KCNMA1: variants seen among roughly 807,000 people sequenced by gnomAD.
KCNMA1 encodes the protein potassium calcium-activated channel subfamily M alpha 1.
KCNMA1 carries 29 observed loss-of-function variants against 140.0 expected under a neutral mutation model. The ratio of observed to expected loss-of-function variants is 0.21; its 90% confidence interval spans 0.15 to 0.28. The LOEUF (loss-of-function observed/expected upper bound fraction) is 0.28, where lower values mean the gene tolerates loss of function less well. Ranked by LOEUF, KCNMA1 falls within the 10% of genes least tolerant of loss-of-function variation. KCNMA1 has a pLI of 1.00. For synonymous variants in KCNMA1, 612 were observed against 611.9 expected (o/e 1.00, Z 0.00); for missense variants, 880 against 1,602.2 (o/e 0.55, Z 7.70).
At chr10:77,434,565 C>CA (rs1231545670) in intron 1 of KCNMA1, among the ~76,000 whole-genome samples, 2 of 152,176 alleles carry the variant, frequency 1.3e-5, no homozygotes, top group Non-Finnish European at 2.9e-5. Context: ...TGAAGATATT[C>CA]AATGCTGCAC....
At chr10:77,257,254 CAA>C (rs1381912817) in intron 2 of KCNMA1, among the ~76,000 whole-genome samples, 5 of 152,184 alleles carry the variant, frequency 3.3e-5, no homozygotes, top group Non-Finnish European at 7.3e-5. Context: ...ACAATGCCAA[CAA>C]ACATTTATTG....
At chr10:77,617,709 G>GA (rs2090063426) in intron 1 of KCNMA1, among the ~76,000 whole-genome samples, 1 of 152,132 alleles carries the variant, frequency 6.6e-6, no homozygotes, top group Non-Finnish European at 1.5e-5. Flanking sequence ...TGTAAAATGG[G>GA]AAAAATACAG....
chr10:77,289,611 C>G (rs112866645), intron 2 of KCNMA1, among the ~76,000 whole-genome samples: 1 of 152,194 alleles, frequency 6.6e-6, no homozygotes, highest in African/African-American at 2.4e-5. Context: ...TGTATATTTG[C>G]TTAAATGAAA....
At chr10:77,458,124 T>C (rs1350417717) in intron 1 of KCNMA1, among the ~76,000 whole-genome samples, 1 of 152,202 alleles carries the variant, frequency 6.6e-6, no homozygotes, top group Non-Finnish European at 1.5e-5. Context: ...GCCAGTCTTG[T>C]AGCATCAAAG....
chr10:76,980,246 G>A (rs1321273340), intron 19 of KCNMA1: 3 of 152,158 alleles, frequency 2.0e-5, no homozygotes, highest in Middle Eastern at 3.2e-3. Context: ...TTCTAATTCA[G>A]ATCATTTGCT....
At chr10:77,598,721 C>T (rs114430492) in intron 1 of KCNMA1, among the ~76,000 whole-genome samples, 33 of 152,302 alleles carry the variant, frequency 2.2e-4, no homozygotes, top group Non-Finnish European at 2.9e-4. Context: ...GCCAAACAAC[C>T]GCCTGGCTCT....
In KCNMA1 at chr10:77,510,133, G is replaced by A. The variant is rs183697735; in HGVS notation, c.379-106110C>T. Among the ~76,000 whole-genome samples the A allele has an allele frequency of 1.1e-3, 171 of 152,204 alleles. 1 individual carries two copies. The highest frequency in any genetic ancestry group is 3.7e-3 in the African/African-American group (152 of 41,526). ...AGATTTGGGGATTCACACAGTCCTG[G>A]GGTACAATCGCAGCTCCACAGTTGC... On this transcript the variant is annotated intron_variant, in intron 1 of 27. Transcript: ENST00000286628.
At chr10:77,499,403 G>GTATATATATATATATATATA (rs71028280) in intron 1 of KCNMA1, among the ~76,000 whole-genome samples, 161 of 142,460 alleles carry the variant, frequency 1.1e-3, no homozygotes, top group African/African-American at 3.7e-3. Flanking sequence ...CAGTAGGCAT[G>GTATATATATATATATATATA]TATATATATA....
At chr10:77,405,305 C>T (rs768126711) in intron 1 of KCNMA1, among the ~76,000 whole-genome samples, 2 of 152,138 alleles carry the variant, frequency 1.3e-5, no homozygotes, top group Non-Finnish European at 2.9e-5. Flanking sequence ...CACTTAAAAC[C>T]GCTAATATAC....
At chr10:77,199,544 A>C (rs1248928134) in intron 3 of KCNMA1, among the ~76,000 whole-genome samples, 1 of 152,204 alleles carries the variant, frequency 6.6e-6, no homozygotes, top group African/African-American at 2.4e-5. Context: ...GTAAACGTGA[A>C]CTGCTTTGTT....
chr10:77,303,793 G>A (rs1012247934), intron 2 of KCNMA1, among the ~76,000 whole-genome samples: 1 of 152,160 alleles, frequency 6.6e-6, no homozygotes, highest in Non-Finnish European at 1.5e-5. Context: ...ATGGATTCTT[G>A]CTTCAGGGTC....
At chr10:76,895,787 G>A (rs146455500) in intron 25 of KCNMA1, among the ~76,000 whole-genome samples, 1 of 152,238 alleles carries the variant, frequency 6.6e-6, no homozygotes, top group East Asian at 1.9e-4. Flanking sequence ...TTTAAAGCTG[G>A]GTGTCTGGGG....
chr10:77,073,315 T>C, intron 13 of KCNMA1, 63 bp from the exon 14 acceptor site: 1 of 1,546,598 alleles, frequency 6.5e-7, no homozygotes, highest in Admixed American at 1.7e-5. Flanking sequence ...TTAACATTTC[T>C]TCTGGGAAAT....
intron 19 of KCNMA1, among the ~76,000 whole-genome samples, chr10:76,985,042 C>T (rs1416974936): frequency 6.6e-6 from 1 of 152,224 alleles, no homozygotes. Flanking sequence ...CTGCGGCTTG[C>T]AGGCCATCTG....
At chr10:77,495,230 C>T (rs1177476906) in intron 1 of KCNMA1, among the ~76,000 whole-genome samples, 1 of 152,188 alleles carries the variant, frequency 6.6e-6, no homozygotes, top group African/African-American at 2.4e-5. Context: ...GAAGTAGGCT[C>T]AATGTGTGAA....
In KCNMA1 at chr10:77,074,228, C is replaced by A. The variant is rs556147538; in HGVS notation, c.1594-976G>T. Among the ~76,000 whole-genome samples, 5 of 152,254 alleles carry A rather than the reference C, an allele frequency of 3.3e-5. No individual in the cohort carries two copies. In the East Asian group the frequency reaches 7.7e-4, roughly 24 times the overall value. ...AAGCTAAATTTAAGTGTGTGGGTAA[C>A]TAAAACCTCAAATTTTAGGCTAGCC... On this transcript the variant is annotated intron_variant, in intron 13 of 27. Coordinates refer to ENST00000286628, the MANE Select transcript of KCNMA1 (RefSeq NM_001161352.2).
intron 2 of KCNMA1, among the ~76,000 whole-genome samples, chr10:77,273,291 C>A (rs1476122308): frequency 6.6e-6 from 1 of 152,056 alleles, no homozygotes; most frequent in African/African-American, 2.4e-5. Context: ...CAGGCAAATA[C>A]AAGTTCAATT....
At chr10:77,285,209 C>T (rs955615206) in intron 2 of KCNMA1, among the ~76,000 whole-genome samples, 1 of 152,142 alleles carries the variant, frequency 6.6e-6, no homozygotes, top group African/African-American at 2.4e-5. Context: ...AGAAAGCATA[C>T]ATTATCTCAC....
At chr10:77,262,734 T>C (rs1280655250) in intron 2 of KCNMA1, among the ~76,000 whole-genome samples, 1 of 152,072 alleles carries the variant, frequency 6.6e-6, no homozygotes, top group Non-Finnish European at 1.5e-5. Flanking sequence ...ACACCAGCTC[T>C]CCCTTTGCCT....
Sources: allele counts gnomAD v4.1 joint callset (sites outside exome capture counted in the v4.1 genomes callset), GRCh38; gene constraint gnomAD v4.1.1; transcripts MANE v1.5; gene names NCBI Gene and HGNC (gene_info 2026-07-23, HGNC 2026-07-21).